The following PRKCE variants were observed in gnomAD, a reference collection of about 807,000 sequenced individuals.
PRKCE encodes protein kinase C epsilon.
A neutral mutation model predicts 85.4 loss-of-function variants in PRKCE; 16 were observed. The ratio of observed to expected loss-of-function variants is 0.19; its 90% CI spans 0.13 to 0.28. The LOEUF is 0.28. Among genes scored for constraint, PRKCE ranks in the 10% least tolerant of loss-of-function variants. The pLI is 1.00. For missense variants in PRKCE, 573 were observed against 975.2 expected (o/e 0.59, Z 5.49); for synonymous variants, 388 against 371.5 (o/e 1.04, Z -0.51).
At position 46,151,292 on chromosome 2, in the gene PRKCE, C is replaced by CAT. The variant is rs1210765102; in HGVS notation, c.1920+64_1920+65insTA. ...GGGCTCCTCCCCCTACACACACACA[C>CAT]ACACACACACACACACACACACACA... is the stretch of plus-strand genomic sequence containing the variant. On this transcript the variant is annotated intron_variant, in intron 13 of 14. Transcript: ENST00000306156. 1.6e-5 allele frequency: 16 copies of CAT among 1,018,388 alleles called. No individual in the cohort carries two copies. The East Asian group carries it at 3.6e-4, about 23-fold the overall frequency. The allele number at this position is 1,018,388 out of a possible 1,614,324, so 63.1% of individuals were successfully genotyped here.
chr2:45,766,702 G>A (rs1262884749), intron 1 of PRKCE, among the ~76,000 whole-genome samples: 2 of 152,120 alleles, frequency 1.3e-5, no homozygotes, highest in Admixed American at 6.5e-5. Flanking sequence ...ATGCTTCATA[G>A]GTGCCTCTTC....
intron 11 of PRKCE, among the ~76,000 whole-genome samples, chr2:46,094,670 A>G (rs1670509541): frequency 6.6e-6 from 1 of 152,146 alleles, no homozygotes; most frequent in African/African-American, 2.4e-5. Flanking sequence ...CATCAGAAAG[A>G]ATAGCTAATG....
intron 2 of PRKCE, among the ~76,000 whole-genome samples, chr2:45,890,538 C>T (rs977465764): frequency 6.6e-6 from 1 of 152,104 alleles, no homozygotes; most frequent in African/African-American, 2.4e-5. Context: ...CACCACCACA[C>T]CTGGCTAATT....
At chr2:45,815,666 G>C (rs763070857) in intron 1 of PRKCE, among the ~76,000 whole-genome samples, 20 of 152,344 alleles carry the variant, frequency 1.3e-4, no homozygotes, top group Non-Finnish European at 2.2e-4. Flanking sequence ...CATGCAGGGA[G>C]ATGTTTTATG....
At chr2:46,141,506 G>C (rs1292907833) in intron 11 of PRKCE, among the ~76,000 whole-genome samples, 1 of 152,148 alleles carries the variant, frequency 6.6e-6, no homozygotes, top group Non-Finnish European at 1.5e-5. Flanking sequence ...AGGGTGACTA[G>C]GGAATGGATG....
intron 1 of PRKCE, among the ~76,000 whole-genome samples, chr2:45,834,550 G>A (rs1690694046): frequency 6.6e-6 from 1 of 152,064 alleles, no homozygotes; most frequent in Admixed American, 6.5e-5. Flanking sequence ...ACTCCTTCTG[G>A]AGATAAGGAC....
chr2:45,930,771 G>C (rs1698985287), intron 2 of PRKCE, among the ~76,000 whole-genome samples: 1 of 152,234 alleles, frequency 6.6e-6, no homozygotes. Flanking sequence ...GATCAGGAAG[G>C]CTTGATGTGC....
chr2:45,700,705 C>A (rs1354728202), intron 1 of PRKCE: 1 of 152,174 alleles, frequency 6.6e-6, no homozygotes, highest in African/African-American at 2.4e-5. Flanking sequence ...CTTAATCCCC[C>A]CGTACTTCAG....
rs1359542589 is a variant in PRKCE at position 45,652,604 on chromosome 2, T to C, written c.348+156T>C. Among the ~76,000 whole-genome samples the C allele has an allele frequency of 1.3e-5, 2 of 152,112 alleles. No individual in the cohort carries two copies. Among genetic ancestry groups the C allele is most frequent in the African/African-American group, 2.4e-5 (1 of 41,428 alleles). ...CCTTGGGGAGGTACACTTCACTTCATAGTTGGGGAGAAACAGGCATTGGCG... is the reference window on the plus strand; with the variant it reads ...CCTTGGGGAGGTACACTTCACTTCACAGTTGGGGAGAAACAGGCATTGGCG... On this transcript the variant is annotated intron_variant, in intron 1 of 14. Coordinates refer to ENST00000306156, the MANE Select transcript of PRKCE (RefSeq NM_005400.3). The surrounding 1 kb of genome is among the most constrained non-coding windows in gnomAD (Gnocchi z 7.7).
intron 3 of PRKCE, 186 bp from the exon 4 acceptor site, chr2:45,978,790 C>T: frequency 1.7e-6 from 1 of 583,502 alleles, no homozygotes; most frequent in East Asian, 2.9e-5. Context: ...ACTGGGACTG[C>T]CCTCTGTGGG....
intron 14 of PRKCE, among the ~76,000 whole-genome samples, chr2:46,164,516 GA>G (rs2104611317): frequency 6.6e-6 from 1 of 152,312 alleles, no homozygotes; most frequent in African/African-American, 2.4e-5. Flanking sequence ...CATCATACTA[GA>G]ATGACACCAG....
rs139334980 is a variant in PRKCE, at chr2:46,087,642, C to T, written c.1592+1280C>T. On this transcript the variant is annotated intron_variant, in intron 11 of 14. Coordinates refer to ENST00000306156, the MANE Select transcript of PRKCE (RefSeq NM_005400.3). The stretch of plus-strand genomic sequence containing the variant: ...GCATTTGTTTTCTATTGCTGCATAT[C>T]CAGTGACCACAAACGGAATGGTGTC... Among the ~76,000 whole-genome samples the T allele has an allele frequency of 7.2e-3, 1,091 of 152,348 alleles. 16 individuals are homozygous for T. The highest frequency in any genetic ancestry group is 0.025 in the African/African-American group (1,034 of 41,566).
chr2:46,091,260 A>G (rs1670145570), intron 11 of PRKCE, among the ~76,000 whole-genome samples: 1 of 152,096 alleles, frequency 6.6e-6, no homozygotes, highest in Admixed American at 6.5e-5. Flanking sequence ...CTCCCCATAC[A>G]CTTGTAGGCA....
chr2:46,151,826 C>T (rs1466111783), intron 13 of PRKCE, among the ~76,000 whole-genome samples: 1 of 152,246 alleles, frequency 6.6e-6, no homozygotes, highest in East Asian at 1.9e-4. Flanking sequence ...CATGGGAAAA[C>T]CCCTTATGCT....
At chr2:45,761,060 G>T (rs1684433862) in intron 1 of PRKCE, among the ~76,000 whole-genome samples, 1 of 152,154 alleles carries the variant, frequency 6.6e-6, no homozygotes, top group Non-Finnish European at 1.5e-5. Flanking sequence ...GGGCATGGTG[G>T]CTCACGCCTG....
intron 10 of PRKCE, among the ~76,000 whole-genome samples, chr2:46,079,459 C>G (rs1668861502): frequency 6.6e-6 from 1 of 152,176 alleles, no homozygotes; most frequent in Non-Finnish European, 1.5e-5. Flanking sequence ...GCCACCTACC[C>G]AAAATCTGGG....
intron 1 of PRKCE, among the ~76,000 whole-genome samples, chr2:45,779,409 G>A (rs1484695497): frequency 6.6e-6 from 1 of 152,044 alleles, no homozygotes; most frequent in Non-Finnish European, 1.5e-5. Flanking sequence ...AGGGATGTCC[G>A]GGGGCGAGGA....
chr2:45,792,507 C>A (rs1687110308), intron 1 of PRKCE, among the ~76,000 whole-genome samples: 1 of 152,164 alleles, frequency 6.6e-6, no homozygotes, highest in Non-Finnish European at 1.5e-5. Flanking sequence ...CCCTTCCCAC[C>A]CTTTCCCTTC....
intron 1 of PRKCE, among the ~76,000 whole-genome samples, chr2:45,665,769 A>G (rs1206147676): frequency 1.3e-5 from 2 of 152,188 alleles, no homozygotes; most frequent in African/African-American, 2.4e-5. Flanking sequence ...TTTGTTGTTC[A>G]TATGCAATTC....
Sources: gnomAD v4.1 joint callset for allele counts (sites outside exome capture counted in the v4.1 genomes callset) on GRCh38, gnomAD v4.1.1 for gene constraint, Gnocchi (gnomAD v3.1) non-coding constraint, MANE v1.5 for transcripts, NCBI Gene and HGNC (gene_info 2026-07-23, HGNC 2026-07-21) for gene names.